ITSN1: variants seen among roughly 807,000 people sequenced by gnomAD.
ITSN1 encodes the protein intersectin 1, also known as intersectin-1.
ITSN1 carries 58 observed loss-of-function variants against 239.8 expected under a neutral mutation model. The ratio of observed to expected loss-of-function variants is 0.24; its 90% CI spans 0.20 to 0.30. The LOEUF (loss-of-function observed/expected upper bound fraction) is 0.30, where lower values mean the gene tolerates loss of function less well. ITSN1 is among the 10% of genes least tolerant of loss of function. The pLI, the probability that ITSN1 is intolerant of heterozygous loss-of-function variation, is 1.00. For synonymous variants in ITSN1, 780 were observed against 770.8 expected, an observed-to-expected ratio of 1.01 and a Z score of -0.20; for missense variants, 1,558 against 2,103.3, an observed-to-expected ratio of 0.74 and a Z score of 5.07.
At chr21:33,796,486 A>G (rs995243510) in intron 17 of ITSN1, among the ~76,000 whole-genome samples, 2 of 152,344 alleles carry the variant, frequency 1.3e-5, no homozygotes, top group South Asian at 2.1e-4. Flanking sequence ...ATTTGTTTCA[A>G]TTATGTTCCC....
chr21:33,847,889 C>T (rs759006358), intron 29 of ITSN1, among the ~76,000 whole-genome samples: 2 of 152,212 alleles, frequency 1.3e-5, no homozygotes, highest in East Asian at 3.9e-4. Flanking sequence ...GGGAACCACA[C>T]GGGAGCTTTG....
At chr21:33,718,568 A>G (rs1243841855) in intron 1 of ITSN1, among the ~76,000 whole-genome samples, 1 of 152,150 alleles carries the variant, frequency 6.6e-6, no homozygotes, top group African/African-American at 2.4e-5. Flanking sequence ...TTGAGGATCC[A>G]CGGATTTTTT....
intron 17 of ITSN1, among the ~76,000 whole-genome samples, chr21:33,795,597 G>A (rs2071484699): frequency 6.6e-6 from 1 of 151,936 alleles, no homozygotes; most frequent in Non-Finnish European, 1.5e-5. Flanking sequence ...CAGTGGGGAG[G>A]TATCTGGGGT....
intron 33 of ITSN1, 136 bp downstream of exon 33, chr21:33,867,467 G>C (rs912101992): frequency 1.6e-6 from 1 of 639,430 alleles, no homozygotes; most frequent in African/African-American, 1.8e-5. Flanking sequence ...AGGTGTCACA[G>C]AGGTCTGCTT....
At chr21:33,866,166 C>T (rs922921054) in intron 32 of ITSN1, among the ~76,000 whole-genome samples, 1 of 152,196 alleles carries the variant, frequency 6.6e-6, no homozygotes, top group African/African-American at 2.4e-5. Flanking sequence ...TGTGGTGAGG[C>T]ACAAGCGCAG....
chr21:33,842,495 G>GGTGT (rs34019939), intron 29 of ITSN1, among the ~76,000 whole-genome samples: 6,456 of 148,100 alleles, frequency 0.044, 288 homozygotes, highest in African/African-American at 0.11. Context: ...TGATGTCAAC[G>GGTGT]GTGTGTGTGT....
chr21:33,711,652 T>TTGTGTGTGTGTGTG (rs58696981), intron 1 of ITSN1, among the ~76,000 whole-genome samples: 1 of 134,792 alleles, frequency 7.4e-6, no homozygotes, highest in Non-Finnish European at 1.7e-5. Context: ...TTTCTGTGTG[T>TTGTGTGTGTGTGTG]TGTGTGTGTG....
chr21:33,704,804 C>G (rs1433213537), intron 1 of ITSN1, among the ~76,000 whole-genome samples: 1 of 151,288 alleles, frequency 6.6e-6, no homozygotes, highest in Non-Finnish European at 1.5e-5. Flanking sequence ...TAAAGACAAT[C>G]TTGGCCGGGC....
At chr21:33,875,692 T>A (rs112323777) in intron 34 of ITSN1, among the ~76,000 whole-genome samples, 171 bp downstream of exon 34, 1 of 152,222 alleles carries the variant, frequency 6.6e-6, no homozygotes, top group Admixed American at 6.5e-5. Flanking sequence ...TATTTATTTA[T>A]TTATTTGAGA....
At chr21:33,772,538 C>T (rs1271878799) in intron 12 of ITSN1, among the ~76,000 whole-genome samples, 2 of 152,160 alleles carry the variant, frequency 1.3e-5, no homozygotes, top group Non-Finnish European at 2.9e-5. Context: ...CTTTCTCCCT[C>T]CAGCTCCTAT....
intron 25 of ITSN1, 124 bp from the exon 26 acceptor site, chr21:33,826,692 CTA>C (rs2073991666): frequency 9.2e-6 from 7 of 764,682 alleles, no homozygotes; most frequent in African/African-American, 5.2e-5. Context: ...TGATACAGTG[CTA>C]TGTTTTCCCA....
rs76893090 is a variant in ITSN1 at position 33,753,331 on chromosome 21, A to G, written c.623+1425A>G. 6.3e-3 allele frequency among the ~76,000 whole-genome samples: 961 copies of G among 152,274 alleles called. 9 individuals are homozygous for G. Among genetic ancestry groups the G allele is most frequent in the African/African-American group, 0.022 (910 of 41,554 alleles). ...ATCCTATTCAACCCCATAGCTACCTATGCAGTAGATGTCTCAAGATGGTGC... is the reference window on the plus strand; with the variant it reads ...ATCCTATTCAACCCCATAGCTACCTGTGCAGTAGATGTCTCAAGATGGTGC... On this transcript the variant is annotated intron_variant, in intron 7 of 39. Coordinates refer to ENST00000381318, the MANE Select transcript of ITSN1 (RefSeq NM_003024.3).
rs1408530571 is a variant in ITSN1, at chr21:33,859,252, G to A, written c.3890+460G>A. Among the ~76,000 whole-genome samples, 6 of 152,178 alleles carry A rather than the reference G, an allele frequency of 3.9e-5. No homozygotes were observed. In the East Asian group the frequency reaches 7.7e-4, roughly 20 times the overall value. On this transcript the variant is annotated intron_variant, in intron 31 of 39. Coordinates refer to ENST00000381318, the MANE Select transcript of ITSN1 (RefSeq NM_003024.3). ...ATCAGCAGTTCCTCAGGATCACTCC[G>A]GGAAGCTGGCCCTAGGCTGGTCGTA... is the stretch of plus-strand genomic sequence containing the variant.
At chr21:33,666,975 C>T (rs901526336) in intron 1 of ITSN1, among the ~76,000 whole-genome samples, 1 of 151,986 alleles carries the variant, frequency 6.6e-6, no homozygotes, top group African/African-American at 2.4e-5. Context: ...TGCCACCATG[C>T]CCGCTAGTTT....
chr21:33,873,755 C>T (rs1174499840), intron 33 of ITSN1, among the ~76,000 whole-genome samples: 1 of 152,114 alleles, frequency 6.6e-6, no homozygotes, highest in African/African-American at 2.4e-5. Context: ...ACCTGTTGTC[C>T]CAGCTACTCA....
At chr21:33,853,918 A>G (rs1261603440) in intron 29 of ITSN1, among the ~76,000 whole-genome samples, 1 of 152,166 alleles carries the variant, frequency 6.6e-6, no homozygotes, top group Non-Finnish European at 1.5e-5. Flanking sequence ...GTGGGGCAGT[A>G]GCACCGCCTG....
At chr21:33,681,608 G>A (rs927561601) in intron 1 of ITSN1, among the ~76,000 whole-genome samples, 20 of 143,538 alleles carry the variant, frequency 1.4e-4, no homozygotes, top group Non-Finnish European at 2.1e-4. Context: ...CGCTTAGTTT[G>A]GAACCAGTTT....
chr21:33,856,822 G>A lies in ITSN1; in HGVS notation c.3748G>A (p.Glu1250Lys), dbSNP rs1028461442. 6.2e-7 allele frequency: 1 copy of A among 1,614,138 alleles called. No individual in the cohort carries two copies. The highest frequency in any genetic ancestry group is 8.5e-7 in the Non-Finnish European group (1 of 1,180,014). ...GYIHELIVTE[E>K]NYVNDLQLVT... is the part of the protein sequence containing the mutation. ...CATCCACGAGCTCATTGTCACCGAG[G>A]AGAACTATGTGAATGACCTGCAGCT... Residue 1250 changes from glutamate to lysine, a missense_variant, in exon 30 of 40, where the codon GAG (glutamate) becomes AAG (lysine). This residue lies in a region of ITSN1 where 576 missense variants were observed against 893.3 expected (regional missense o/e 0.64). Transcript: ENST00000381318.
At chr21:33,833,517 ATAC>A (rs945334006) in intron 27 of ITSN1, among the ~76,000 whole-genome samples, 2 of 152,168 alleles carry the variant, frequency 1.3e-5, no homozygotes, top group Non-Finnish European at 2.9e-5. Context: ...GAGAATAATA[ATAC>A]TATTATCCTT....
Sources: gnomAD v4.1 joint callset for allele counts (sites outside exome capture counted in the v4.1 genomes callset) on GRCh38, gnomAD v4.1.1 for gene constraint, gnomAD v4.1.1 regional missense constraint, MANE v1.5 for transcripts, NCBI Gene and HGNC (gene_info 2026-07-23, HGNC 2026-07-21) for gene names.